The following NELL2 variants were observed in gnomAD, a reference collection of about 807,000 sequenced individuals.
NELL2 encodes neural EGFL like 2, also known as protein kinase C-binding protein NELL2.
A neutral mutation model predicts 109.6 loss-of-function variants in NELL2; 41 were observed. That is an observed-to-expected ratio of 0.37 (90% confidence interval 0.29 to 0.49). The LOEUF (loss-of-function observed/expected upper bound fraction) is 0.49, where lower values mean the gene tolerates loss of function less well. NELL2 is among the 20% of genes least tolerant of loss of function. The pLI, the probability that NELL2 is intolerant of heterozygous loss-of-function variation, is 0.98. For synonymous variants in NELL2, 355 were observed against 344.7 expected, an observed-to-expected ratio of 1.03 and a Z score of -0.33; for missense variants, 900 against 1,008.3, an observed-to-expected ratio of 0.89 and a Z score of 1.45.
chr12:44,521,107 G>A (rs1035958020), intron 18 of NELL2, among the ~76,000 whole-genome samples: 8 of 151,998 alleles, frequency 5.3e-5, no homozygotes, highest in Non-Finnish European at 8.8e-5. Context: ...CAAGAAATTC[G>A]TTCAACTGAA....
intron 9 of NELL2, among the ~76,000 whole-genome samples, chr12:44,760,747 T>G (rs1412809568): frequency 6.6e-6 from 1 of 151,890 alleles, no homozygotes; most frequent in East Asian, 1.9e-4. Context: ...AAAAAATAAA[T>G]CCCAGGTTGT....
At chr12:44,708,484 C>A (rs920345572) in intron 11 of NELL2, among the ~76,000 whole-genome samples, 1 of 152,196 alleles carries the variant, frequency 6.6e-6, no homozygotes, top group Non-Finnish European at 1.5e-5. Context: ...TAGCACTATA[C>A]AAATAGGCCT....
intron 13 of NELL2, among the ~76,000 whole-genome samples, chr12:44,652,320 A>G (rs759147970): frequency 1.3e-5 from 2 of 152,126 alleles, no homozygotes; most frequent in African/African-American, 2.4e-5. Context: ...CTATACATTT[A>G]TTTTATATAT....
intron 12 of NELL2, among the ~76,000 whole-genome samples, chr12:44,681,180 C>G (rs2136370511): frequency 6.6e-6 from 1 of 150,718 alleles, no homozygotes; most frequent in East Asian, 1.9e-4. Flanking sequence ...CACCATTTCT[C>G]TTACTATGTT....
chr12:44,884,530 A>T (rs1592703139), intron 1 of NELL2, among the ~76,000 whole-genome samples: 1 of 152,182 alleles, frequency 6.6e-6, no homozygotes, highest in Non-Finnish European at 1.5e-5. Context: ...AAAGGGAAAC[A>T]CTTCCCAACT....
intron 12 of NELL2, among the ~76,000 whole-genome samples, chr12:44,671,101 C>T (rs1402404071): frequency 1.3e-5 from 2 of 152,092 alleles, no homozygotes; most frequent in Non-Finnish European, 2.9e-5. Context: ...CTGCTCAGAA[C>T]ACAATGGAAT....
intron 13 of NELL2, among the ~76,000 whole-genome samples, chr12:44,643,641 T>C (rs560971171): frequency 3.1e-4 from 47 of 152,106 alleles, no homozygotes; most frequent in Non-Finnish European, 6.0e-4. Context: ...ATCATACATA[T>C]ACAAAAGAAA....
At chr12:44,648,899 C>T (rs1337328905) in intron 13 of NELL2, among the ~76,000 whole-genome samples, 1 of 63,002 alleles carries the variant, frequency 1.6e-5, no homozygotes, top group Non-Finnish European at 2.9e-5. Context: ...CCACGCCCAG[C>T]TTGTGTGTGT....
intron 13 of NELL2, among the ~76,000 whole-genome samples, chr12:44,663,228 T>C (rs1232355724): frequency 6.6e-6 from 1 of 152,148 alleles, no homozygotes; most frequent in East Asian, 1.9e-4. Context: ...CTGGAATATG[T>C]GTTGACCTTC....
chr12:44,852,147 T>A (rs550313651), intron 2 of NELL2, among the ~76,000 whole-genome samples: 50 of 152,220 alleles, frequency 3.3e-4, no homozygotes, highest in Admixed American at 8.5e-4. Context: ...ACAGTGGATT[T>A]GATTTACTCT....
chr12:44,548,559 A>G (rs1265807408), intron 15 of NELL2, among the ~76,000 whole-genome samples: 1 of 149,186 alleles, frequency 6.7e-6, no homozygotes, highest in South Asian at 2.1e-4. Flanking sequence ...AAAAAAAAAC[A>G]AAAGAAAAAA....
chr12:44,630,199 G>T (rs539128319), intron 13 of NELL2, among the ~76,000 whole-genome samples: 1 of 152,262 alleles, frequency 6.6e-6, no homozygotes, highest in East Asian at 1.9e-4. Context: ...TTAGCTATTT[G>T]TTGAGCACTT....
intron 1 of NELL2, among the ~76,000 whole-genome samples, chr12:44,898,323 G>A (rs1314625755): frequency 6.6e-6 from 1 of 152,210 alleles, no homozygotes; most frequent in African/African-American, 2.4e-5. Flanking sequence ...ACACCTCCCA[G>A]CAGGGGTCGA....
chr12:44,837,363 G>A (rs2408084), intron 2 of NELL2, among the ~76,000 whole-genome samples: 121,192 of 152,066 alleles, frequency 0.8, 48,848 homozygotes, highest in Middle Eastern at 0.94. Context: ...ATCCCTAATC[G>A]TGGCAATCTA....
chr12:44,594,141 G>T (rs1381330609), intron 15 of NELL2, among the ~76,000 whole-genome samples: 2 of 151,916 alleles, frequency 1.3e-5, no homozygotes, highest in African/African-American at 4.8e-5. Flanking sequence ...GGGCCTGTTG[G>T]GGGTGGCGGG....
chr12:44,781,152 G>GA (rs367858267), intron 3 of NELL2, among the ~76,000 whole-genome samples: 1 of 150,332 alleles, frequency 6.7e-6, no homozygotes, highest in Non-Finnish European at 1.5e-5. Flanking sequence ...AGACTTAAAT[G>GA]AAAAAAATAG....
At chr12:44,907,694 A>C (rs1176743402) in intron 1 of NELL2, among the ~76,000 whole-genome samples, 1 of 152,112 alleles carries the variant, frequency 6.6e-6, no homozygotes. Context: ...AAGTAGGATC[A>C]AATGAAGTTG....
intron 9 of NELL2, among the ~76,000 whole-genome samples, chr12:44,769,887 G>T (rs1438419672): frequency 6.6e-6 from 1 of 152,144 alleles, no homozygotes; most frequent in African/African-American, 2.4e-5. Context: ...AGGTGATTCT[G>T]AGTACAAGAA....
intron 13 of NELL2, among the ~76,000 whole-genome samples, chr12:44,640,928 G>T (rs986753005): frequency 2.2e-4 from 34 of 152,202 alleles, no homozygotes; most frequent in African/African-American, 8.2e-4. Flanking sequence ...CAACAGGGTT[G>T]GAAAGAACTA....
Sources: gnomAD v4.1 joint callset for allele counts (sites outside exome capture counted in the v4.1 genomes callset) on GRCh38, gnomAD v4.1.1 for gene constraint, MANE v1.5 for transcripts, NCBI Gene and HGNC (gene_info 2026-07-23, HGNC 2026-07-21) for gene names.